The following HECW1 variants were observed in gnomAD, a reference collection of about 807,000 sequenced individuals.
The protein encoded by HECW1 is HECT, C2 and WW domain containing E3 ubiquitin protein ligase 1.
HECW1 carries 61 observed loss-of-function variants against 182.3 expected under a neutral mutation model. The observed-to-expected ratio is 0.33, with a 90% CI of 0.27 to 0.41. HECW1 has a LOEUF of 0.41. Among genes scored for constraint, HECW1 ranks in the 10% least tolerant of loss-of-function variants. HECW1 has a pLI of 1.00. For synonymous variants in HECW1, 859 were observed against 832.6 expected (o/e 1.03, Z -0.55); for missense variants, 1,739 against 2,108.9 (o/e 0.82, Z 3.44).
intron 3 of HECW1, among the ~76,000 whole-genome samples, chr7:43,275,530 T>C (rs1166614530): frequency 1.3e-5 from 2 of 152,188 alleles, no homozygotes; most frequent in African/African-American, 4.8e-5. Context: ...ATAAAAACTG[T>C]GAATATGGAA....
chr7:43,449,219 A>T lies in HECW1; in HGVS notation c.2399-1609A>T, dbSNP rs111712157. Among the ~76,000 whole-genome samples, 1,194 of 152,356 alleles carry T rather than the reference A, an allele frequency of 7.8e-3. 10 individuals are homozygous for T. The highest frequency in any genetic ancestry group is 0.027 in the African/African-American group (1,129 of 41,582). ...TTTTGTTTAATTTCTGACACTAAAC[A>T]TGTATACAAACAAACATGAGTGTGG... is the stretch of plus-strand genomic sequence containing the variant. On this transcript the variant is annotated intron_variant, in intron 11 of 29. Transcript: ENST00000395891.
chr7:43,150,186 G>C (rs548384919), intron 2 of HECW1, among the ~76,000 whole-genome samples: 3 of 152,152 alleles, frequency 2.0e-5, no homozygotes, highest in Non-Finnish European at 4.4e-5. Flanking sequence ...AAAGGAAATA[G>C]AGAAGTAAAA....
intron 5 of HECW1, among the ~76,000 whole-genome samples, chr7:43,331,044 G>C (rs1476249907): frequency 1.3e-5 from 2 of 151,934 alleles, no homozygotes; most frequent in Non-Finnish European, 2.9e-5. Context: ...GTGCAGGTTT[G>C]TTACATACGT....
At chr7:43,421,797 G>A (rs531902450) in intron 8 of HECW1, among the ~76,000 whole-genome samples, 1 of 152,318 alleles carries the variant, frequency 6.6e-6, no homozygotes, top group Admixed American at 6.5e-5. Flanking sequence ...GGCTGCTGGT[G>A]AGGTGTGGAA....
At chr7:43,403,325 A>G (rs2075490432) in intron 7 of HECW1, among the ~76,000 whole-genome samples, 1 of 152,206 alleles carries the variant, frequency 6.6e-6, no homozygotes, top group East Asian at 1.9e-4. Context: ...TGACAGGGCA[A>G]AGGAAAAGGA....
At chr7:43,557,709 C>CACTGA (rs1431291612) in intron 29 of HECW1, among the ~76,000 whole-genome samples, 1 of 152,156 alleles carries the variant, frequency 6.6e-6, no homozygotes, top group Admixed American at 6.5e-5. Context: ...CTATCTGGAT[C>CACTGA]ACTGATTTTC....
chr7:43,164,368 G>T (rs1359244634), intron 2 of HECW1, among the ~76,000 whole-genome samples: 2 of 152,196 alleles, frequency 1.3e-5, no homozygotes, highest in South Asian at 4.1e-4. Flanking sequence ...AGCACATATT[G>T]AAACAGTGTT....
chr7:43,534,473 A>G lies in HECW1; in HGVS notation c.4020-6690A>G, dbSNP rs562671641. ...GGAGACCTGCTATTTCAGCCCCTTG[A>G]TGTAAAACATTTGCCACATCTTTCC... On this transcript the variant is annotated intron_variant, in intron 24 of 29. Coordinates refer to ENST00000395891, the MANE Select transcript of HECW1 (RefSeq NM_015052.5). 1.4e-4 allele frequency among the ~76,000 whole-genome samples: 21 copies of G among 152,328 alleles called. 1 individual carries two copies. The South Asian group carries it at 3.5e-3, about 26-fold the overall frequency.
intron 3 of HECW1, among the ~76,000 whole-genome samples, chr7:43,281,713 C>CTTTTTT (rs55860415): frequency 3.9e-5 from 3 of 77,356 alleles, no homozygotes; most frequent in African/African-American, 1.0e-4. Flanking sequence ...TCTTTGCTTT[C>CTTTTTT]TTTTTTTTTT....
intron 3 of HECW1, among the ~76,000 whole-genome samples, chr7:43,300,707 C>T (rs543222496): frequency 2.0e-5 from 3 of 152,244 alleles, no homozygotes; most frequent in African/African-American, 7.2e-5. Flanking sequence ...AGTGCTGCTG[C>T]TGCTGGTTCA....
At chr7:43,225,158 C>G (rs1300398473) in intron 2 of HECW1, among the ~76,000 whole-genome samples, 1 of 152,172 alleles carries the variant, frequency 6.6e-6, no homozygotes, top group Non-Finnish European at 1.5e-5. Flanking sequence ...GGGACTCACC[C>G]AGCTATCAGA....
At chr7:43,125,239 G>T (rs1786080550) in intron 2 of HECW1, among the ~76,000 whole-genome samples, 2 of 152,104 alleles carry the variant, frequency 1.3e-5, no homozygotes. Flanking sequence ...TGGGAGTTAG[G>T]ATTCCAACAT....
intron 25 of HECW1, 52 bp downstream of exon 25, chr7:43,541,313 G>C (rs536950580): frequency 2.2e-6 from 3 of 1,360,596 alleles, no homozygotes; most frequent in African/African-American, 1.4e-5. Context: ...GCAGGGCAAG[G>C]ACACCGACCT....
At chr7:43,307,880 A>ATC (rs1487288596) in intron 3 of HECW1, among the ~76,000 whole-genome samples, 10 of 58,774 alleles carry the variant, frequency 1.7e-4, no homozygotes, top group African/African-American at 5.1e-4. Context: ...ATTTCACTAT[A>ATC]TATATATATA....
At chr7:43,159,704 G>C (rs1475468162) in intron 2 of HECW1, among the ~76,000 whole-genome samples, 1 of 138,486 alleles carries the variant, frequency 7.2e-6, no homozygotes, top group African/African-American at 2.8e-5. Context: ...TTTTGAGATG[G>C]AATCTTGCTC....
rs183730299 is a variant in HECW1, at chr7:43,243,050, C to T, written c.-31-825C>T. 2.6e-5 allele frequency among the ~76,000 whole-genome samples: 4 copies of T among 152,234 alleles called. 1 individual carries two copies. The highest frequency in any genetic ancestry group is 9.6e-5 in the African/African-American group (4 of 41,540). ...TTGTCAGCAAAGCTTCAGGTTTCAT[C>T]GGGGTTTGGGAATGCTGACATCATA... is the stretch of plus-strand genomic sequence containing the variant. On this transcript the variant is annotated intron_variant, in intron 2 of 29. Coordinates refer to ENST00000395891, the MANE Select transcript of HECW1 (RefSeq NM_015052.5). This position sits in a 1 kb window ranked among gnomAD's most constrained non-coding sequence, Gnocchi z 4.0.
At chr7:43,350,824 C>T (rs1487435953) in intron 5 of HECW1, among the ~76,000 whole-genome samples, 2 of 152,202 alleles carry the variant, frequency 1.3e-5, no homozygotes. Flanking sequence ...GTGGTCCCTC[C>T]CTGATTAGCA....
chr7:43,249,796 G>C (rs954977635), intron 3 of HECW1, among the ~76,000 whole-genome samples: 1 of 152,162 alleles, frequency 6.6e-6, no homozygotes, highest in African/African-American at 2.4e-5. Flanking sequence ...TTGCTTGGTA[G>C]TGCTAGATTT....
At chr7:43,416,080 G>A (rs1285540818) in intron 8 of HECW1, among the ~76,000 whole-genome samples, 5 of 151,916 alleles carry the variant, frequency 3.3e-5, no homozygotes, top group Admixed American at 6.5e-5. Flanking sequence ...GAAGAACTGC[G>A]TTCCTTTGGA....
Sources: allele counts gnomAD v4.1 joint callset (sites outside exome capture counted in the v4.1 genomes callset), GRCh38; gene constraint gnomAD v4.1.1; non-coding constraint Gnocchi (gnomAD v3.1); transcripts MANE v1.5; gene names NCBI Gene and HGNC (gene_info 2026-07-23, HGNC 2026-07-21).